The following SLIT3 variants were observed in gnomAD, a reference collection of about 807,000 sequenced individuals.
SLIT3 encodes the protein slit homolog 3 protein.
Under a neutral mutation model 184.0 loss-of-function variants are expected in SLIT3, and 68 were observed. The ratio of observed to expected loss-of-function variants is 0.37; its 90% CI spans 0.30 to 0.45. The LOEUF is 0.45. SLIT3 is among the 20% of genes least tolerant of loss of function. SLIT3 has a pLI of 1.00. For synonymous variants in SLIT3, 831 were observed against 828.6 expected (o/e 1.00, Z -0.05); for missense variants, 1,707 against 2,026.0 (o/e 0.84, Z 3.02).
intron 4 of SLIT3, among the ~76,000 whole-genome samples, chr5:169,140,946 C>G (rs1170504319): frequency 6.6e-6 from 1 of 152,204 alleles, no homozygotes; most frequent in Non-Finnish European, 1.5e-5. Context: ...ACCCTTGAAT[C>G]CAATCTCCAT....
In SLIT3 at chr5:168,665,265, T is replaced by C. The variant is rs988813028; in HGVS notation, c.*1189A>G. 1 of 152,212 alleles carries C rather than the reference T, an allele frequency of 6.6e-6. No homozygotes were observed. Among genetic ancestry groups the C allele is most frequent in the Non-Finnish European group, 1.5e-5 (1 of 68,058 alleles). 9.4% of individuals were successfully genotyped at this position (152,212 alleles called of 1,614,324 possible). ...AATAAGGTAAAGTTTGGATATGCAT[T>C]GGAAAGTGTCACAGATGGGCAAGGA... On this transcript the variant is annotated 3_prime_UTR_variant, in exon 36 of 36. Coordinates refer to ENST00000519560, the MANE Select transcript of SLIT3 (RefSeq NM_003062.4).
intron 1 of SLIT3, among the ~76,000 whole-genome samples, chr5:169,295,444 C>A (rs1767472277): frequency 6.6e-6 from 1 of 152,270 alleles, no homozygotes; most frequent in Non-Finnish European, 1.5e-5. Context: ...GCTACATTCA[C>A]AGCATCCCCA....
chr5:169,013,392 C>A (rs372201053), intron 4 of SLIT3: 1 of 152,310 alleles, frequency 6.6e-6, no homozygotes, highest in African/African-American at 2.4e-5. Context: ...CAGGTAAGCA[C>A]GTCAGGGCCC....
chr5:168,798,753 A>T (rs1449473855), intron 9 of SLIT3, among the ~76,000 whole-genome samples: 5 of 152,202 alleles, frequency 3.3e-5, no homozygotes, highest in Non-Finnish European at 5.9e-5. Context: ...CACCACTACC[A>T]CCAAGAGCTA....
At chr5:168,796,796 C>G (rs992255213) in intron 9 of SLIT3, among the ~76,000 whole-genome samples, 3 of 152,126 alleles carry the variant, frequency 2.0e-5, no homozygotes, top group African/African-American at 7.2e-5. Context: ...GTTACTGGAA[C>G]TGCTAATGGA....
intron 1 of SLIT3, among the ~76,000 whole-genome samples, chr5:169,290,307 G>T (rs1767304847): frequency 1.3e-5 from 2 of 149,620 alleles, no homozygotes; most frequent in South Asian, 2.1e-4. Context: ...GCGCACCAGG[G>T]CACATGCTAA....
At chr5:169,112,988 C>A (rs1760466501) in intron 4 of SLIT3, among the ~76,000 whole-genome samples, 1 of 152,152 alleles carries the variant, frequency 6.6e-6, no homozygotes, top group Non-Finnish European at 1.5e-5. Context: ...TCATCAGCAC[C>A]TATCACCCAT....
At chr5:168,910,058 C>G (rs550770008) in intron 4 of SLIT3, among the ~76,000 whole-genome samples, 39 of 152,358 alleles carry the variant, frequency 2.6e-4, no homozygotes, top group African/African-American at 8.2e-4. Context: ...AGCAGCACAT[C>G]ATCAAATGAT....
intron 4 of SLIT3, chr5:169,037,577 G>T (rs796427548): frequency 6.6e-6 from 1 of 152,238 alleles, no homozygotes; most frequent in Non-Finnish European, 1.5e-5. Flanking sequence ...GTAATTGGAC[G>T]TGTTTCACGC....
chr5:168,731,271 T>C (rs1763282628), intron 20 of SLIT3, among the ~76,000 whole-genome samples: 1 of 151,770 alleles, frequency 6.6e-6, no homozygotes, highest in Non-Finnish European at 1.5e-5. Context: ...CCCTAATAAG[T>C]AGAGAGACTG....
At chr5:169,029,373 G>T (rs568286923) in intron 4 of SLIT3, among the ~76,000 whole-genome samples, 133 of 152,328 alleles carry the variant, frequency 8.7e-4, no homozygotes, top group Non-Finnish European at 1.7e-3. Flanking sequence ...CAGCACTATA[G>T]CTGTCATTGG....
chr5:169,198,760 C>T (rs568332779), intron 3 of SLIT3, among the ~76,000 whole-genome samples: 6 of 151,988 alleles, frequency 3.9e-5, no homozygotes, highest in East Asian at 3.9e-4. Flanking sequence ...GGTGAAACCC[C>T]GTCTCTACTA....
chr5:168,955,859 C>T (rs1159393488), intron 4 of SLIT3, among the ~76,000 whole-genome samples: 1 of 152,154 alleles, frequency 6.6e-6, no homozygotes, highest in Non-Finnish European at 1.5e-5. Flanking sequence ...AATCTCCCTT[C>T]CTGCCCCCAC....
chr5:169,012,180 A>G (rs535026257), intron 4 of SLIT3: 1 of 152,282 alleles, frequency 6.6e-6, no homozygotes, highest in South Asian at 2.1e-4. Flanking sequence ...TTTATTTTGT[A>G]ATAATCCTGA....
chr5:169,226,279 G>A (rs1764804979), intron 3 of SLIT3, among the ~76,000 whole-genome samples: 1 of 152,076 alleles, frequency 6.6e-6, no homozygotes, highest in African/African-American at 2.4e-5. Context: ...TGGGCTTCTG[G>A]GTCAGAGAGT....
chr5:169,241,410 T>C (rs1171798596), intron 3 of SLIT3, among the ~76,000 whole-genome samples: 1 of 152,154 alleles, frequency 6.6e-6, no homozygotes, highest in Admixed American at 6.5e-5. Flanking sequence ...ACTTTGGCAC[T>C]AGTGACATTT....
At chr5:168,937,390 G>C (rs143359619) in intron 4 of SLIT3, among the ~76,000 whole-genome samples, 69 of 152,320 alleles carry the variant, frequency 4.5e-4, no homozygotes, top group African/African-American at 1.4e-3. Flanking sequence ...ATTGAACGAA[G>C]AGAAGACTGA....
At chr5:169,279,515 C>A (rs191160403) in intron 1 of SLIT3, among the ~76,000 whole-genome samples, 2 of 152,118 alleles carry the variant, frequency 1.3e-5, no homozygotes, top group South Asian at 4.1e-4. Flanking sequence ...TACATATATT[C>A]CATATTAGGA....
intron 4 of SLIT3, among the ~76,000 whole-genome samples, chr5:168,987,834 T>C (rs549583791): frequency 6.6e-6 from 1 of 152,374 alleles, no homozygotes; most frequent in African/African-American, 2.4e-5. Context: ...ATGGAATATA[T>C]AGATGACTTC....
Sources: gnomAD v4.1 joint callset for allele counts (sites outside exome capture counted in the v4.1 genomes callset) on GRCh38, gnomAD v4.1.1 for gene constraint, MANE v1.5 for transcripts, NCBI Gene and HGNC (gene_info 2026-07-23, HGNC 2026-07-21) for gene names.